Variants in LRRC8B observed in about 807,000 individuals in gnomAD.
The protein encoded by LRRC8B is volume-regulated anion channel subunit LRRC8B.
In LRRC8B, 23 loss-of-function variants were observed where a neutral mutation model predicts 58.8. The observed-to-expected ratio is 0.39, with a 90% CI of 0.28 to 0.55. LRRC8B has a LOEUF of 0.55. LRRC8B is among the 20% of genes least tolerant of loss of function. LRRC8B has a pLI of 0.62. For missense variants in LRRC8B, 694 were observed against 936.0 expected, an observed-to-expected ratio of 0.74 and a Z score of 3.37; for synonymous variants, 359 against 374.1, an observed-to-expected ratio of 0.96 and a Z score of 0.47.
At position 89,575,026 on chromosome 1, in the gene LRRC8B, C is replaced by G. The variant is rs1234668820; in HGVS notation, c.-124-4565C>G. On this transcript the variant is annotated intron_variant, in intron 3 of 5. Coordinates refer to ENST00000330947, the MANE Select transcript of LRRC8B (RefSeq NM_001369817.2). ...CTGGAACTGATTTAGATGACAAGAT[C>G]CTGGACTTCAAGCCTGAATTTGATG... Among the ~76,000 whole-genome samples, 7 of 152,146 alleles carry G rather than the reference C, an allele frequency of 4.6e-5. No individual in the cohort carries two copies. In the East Asian group the frequency reaches 1.3e-3, roughly 29 times the overall value.
rs760548569 is a variant in LRRC8B at position 89,582,963 on chromosome 1, A to G, written c.313A>G (p.Ile105Val). ...CCTCCACCGACAGCAGTACTCCTAT[A>G]TTGATGCCGTCTGTTACGAGAAACA... ...NDLHRQQYSYIDAVCYEKQLH... is the reference protein window; with the variant it reads ...NDLHRQQYSYVDAVCYEKQLH... Residue 105 changes from isoleucine (I) to valine (V), a missense_variant, in exon 5 of 6, where the codon ATT becomes GTT. Physicochemically the swap from Ile to Val is conservative, Grantham distance 29. Transcript: ENST00000330947. The G allele has an allele frequency of 2.5e-6, 4 of 1,614,164 alleles. No individual in the cohort carries two copies. The highest frequency in any genetic ancestry group is 2.2e-5 in the South Asian group (2 of 91,084).
intron 5 of LRRC8B, among the ~76,000 whole-genome samples, chr1:89,587,042 T>C (rs1196111857): frequency 2.0e-5 from 3 of 152,154 alleles, no homozygotes; most frequent in Admixed American, 1.3e-4. Context: ...ATAGCTACAG[T>C]GTTAGAACTT....
chr1:89,580,258 G>T (rs1654123458), intron 4 of LRRC8B, among the ~76,000 whole-genome samples: 1 of 152,202 alleles, frequency 6.6e-6, no homozygotes, highest in Non-Finnish European at 1.5e-5. Context: ...CTCCTGGTTG[G>T]TTTTTTGCCC....
Position 89,592,830 on chromosome 1 carries a change from GA to G in LRRC8B, c.2204del (p.Asn735IlefsTer3). ...AAAAGCTGCAGTGTTTACTTTTGGG[GA>G]AAAATAGCTTGATGAATTTGTCCCC... ...CKKLQCLLLG[K>X]NSLMNLSPHV... On this transcript the variant is annotated frameshift_variant, in exon 6 of 6. Transcript: ENST00000330947. LOFTEE classifies it high-confidence loss of function. 1 of 1,614,046 alleles carries G rather than the reference GA, an allele frequency of 6.2e-7. No individual in the cohort carries two copies. Among genetic ancestry groups the G allele is most frequent in the Non-Finnish European group, 8.5e-7 (1 of 1,180,010 alleles).
intron 1 of LRRC8B, among the ~76,000 whole-genome samples, chr1:89,531,844 A>T (rs530859115): frequency 9.2e-5 from 14 of 152,320 alleles, no homozygotes; most frequent in African/African-American, 3.4e-4. Flanking sequence ...GCAGTTTCTC[A>T]GAGGCCTAGT....
chr1:89,533,287 T>G (rs1275370278), intron 1 of LRRC8B, among the ~76,000 whole-genome samples: 1 of 152,150 alleles, frequency 6.6e-6, no homozygotes, highest in East Asian at 1.9e-4. Flanking sequence ...TGTGAGAAAG[T>G]CTTCCTTTGT....
chr1:89,538,126 A>G (rs1217983538), intron 1 of LRRC8B, among the ~76,000 whole-genome samples: 1 of 151,996 alleles, frequency 6.6e-6, no homozygotes, highest in Non-Finnish European at 1.5e-5. Context: ...AGAACATACC[A>G]CTCTTTTGGA....
chr1:89,537,722 C>T (rs1477902691), intron 1 of LRRC8B, among the ~76,000 whole-genome samples: 3 of 152,196 alleles, frequency 2.0e-5, no homozygotes, highest in Non-Finnish European at 4.4e-5. Context: ...ATCCAGCCGC[C>T]TCAGCCTCCC....
intron 4 of LRRC8B, among the ~76,000 whole-genome samples, chr1:89,580,252 TG>T (rs1654123107): frequency 6.6e-6 from 1 of 152,248 alleles, no homozygotes; most frequent in Admixed American, 6.5e-5. Flanking sequence ...CAACAGCTCC[TG>T]GTTGGTTTTT....
At chr1:89,564,152 G>T (rs1296740109) in intron 1 of LRRC8B, among the ~76,000 whole-genome samples, 1 of 152,158 alleles carries the variant, frequency 6.6e-6, no homozygotes, top group Non-Finnish European at 1.5e-5. Flanking sequence ...TTATTAAATT[G>T]TTGGTAAATG....
At chr1:89,557,191 A>G (rs1255117041) in intron 1 of LRRC8B, among the ~76,000 whole-genome samples, 1 of 152,186 alleles carries the variant, frequency 6.6e-6, no homozygotes, top group East Asian at 1.9e-4. Context: ...AGTTCTTCTG[A>G]ACCCCTGGGC....
chr1:89,567,680 TCA>T (rs1267329670), intron 1 of LRRC8B, among the ~76,000 whole-genome samples: 4 of 152,272 alleles, frequency 2.6e-5, no homozygotes, highest in African/African-American at 9.6e-5. Context: ...ATGCTGTATA[TCA>T]GAGGGCTCAA....
intron 1 of LRRC8B, among the ~76,000 whole-genome samples, chr1:89,540,766 A>G (rs1210739588): frequency 2.0e-5 from 3 of 152,230 alleles, no homozygotes; most frequent in Admixed American, 2.0e-4. Context: ...TGAAGATGAG[A>G]GAGATCATAT....
In LRRC8B at chr1:89,595,038, T is replaced by C. The variant is rs1655216675; in HGVS notation, c.*1995T>C. On this transcript the variant is annotated 3_prime_UTR_variant, in exon 6 of 6. Coordinates refer to ENST00000330947, the MANE Select transcript of LRRC8B (RefSeq NM_001369817.2). ...TGCACTAAAGTTCAAAGAAAAGAAT[T>C]ATTCAAATCAAATGAAATTTGAATA... The C allele has an allele frequency of 6.6e-6, 1 of 152,218 alleles. No homozygotes were observed. Among genetic ancestry groups the C allele is most frequent in the Admixed American group, 6.6e-5 (1 of 15,264 alleles). 9.4% of individuals were successfully genotyped at this position (152,218 alleles called of 1,614,324 possible). A position where few individuals can be genotyped will look rare whatever the true frequency, so the allele number is the denominator to read the frequency against.
At chr1:89,557,919 ACT>A (rs1434285954) in intron 1 of LRRC8B, among the ~76,000 whole-genome samples, 1 of 152,144 alleles carries the variant, frequency 6.6e-6, no homozygotes, top group Admixed American at 6.6e-5. Context: ...TGCAGGGTTG[ACT>A]CTCACAGCAG....
At chr1:89,575,903 C>T (rs984253615) in intron 3 of LRRC8B, among the ~76,000 whole-genome samples, 11 of 152,092 alleles carry the variant, frequency 7.2e-5, no homozygotes, top group African/African-American at 2.7e-4. Flanking sequence ...ATATTGTAAA[C>T]TTTAGCCTTA....
intron 1 of LRRC8B, among the ~76,000 whole-genome samples, chr1:89,528,413 C>T (rs955821483): frequency 1.3e-5 from 2 of 152,148 alleles, no homozygotes; most frequent in African/African-American, 4.8e-5. Context: ...TGTCAAATTC[C>T]TTTTCAGCAT....
In LRRC8B at chr1:89,583,624, T is replaced by A; in HGVS notation, c.974T>A (p.Leu325His). 6.2e-7 allele frequency: 1 copy of A among 1,612,840 alleles called. No homozygotes were observed. Among genetic ancestry groups the A allele is most frequent in the Non-Finnish European group, 8.5e-7 (1 of 1,180,016 alleles). The change falls in exon 5 of 6, where the codon CTT (leucine) becomes CAT (histidine). Residue 325 changes from leucine (L) to histidine (H), a missense_variant. Physicochemically the swap from Leu to His is moderately conservative, Grantham distance 99. Coordinates refer to ENST00000330947, the MANE Select transcript of LRRC8B (RefSeq NM_001369817.2). The surrounding 1 kb of genome is among the most constrained non-coding windows in gnomAD (Gnocchi z 5.2). ...LASFYVILVI[L>H]YGLTSSYSLW... ...TCATTTTATGTCATTTTGGTTATAC[T>A]TTATGGTCTGACCTCTTCCTACAGC...
chr1:89,562,527 A>G (rs758320631), intron 1 of LRRC8B, among the ~76,000 whole-genome samples: 42 of 151,474 alleles, frequency 2.8e-4, no homozygotes, highest in Non-Finnish European at 4.9e-4. Context: ...GCTGGAGCTC[A>G]GTGGTGTGCA....
Sources: gnomAD v4.1 joint callset for allele counts (sites outside exome capture counted in the v4.1 genomes callset) on GRCh38, gnomAD v4.1.1 for gene constraint, Gnocchi (gnomAD v3.1) non-coding constraint, MANE v1.5 for transcripts, NCBI Gene and HGNC (gene_info 2026-07-23, HGNC 2026-07-21) for gene names.